Variants in TP53BP2 observed in about 807,000 individuals in gnomAD.
TP53BP2 encodes the protein tumor protein p53 binding protein 2.
Under a neutral mutation model 126.2 loss-of-function variants are expected in TP53BP2, and 62 were observed. That is an observed-to-expected ratio of 0.49 (90% CI 0.40 to 0.61). The LOEUF is 0.61. TP53BP2 is among the 20% of genes least tolerant of loss of function. The pLI is 0.00. For synonymous variants in TP53BP2, 485 were observed against 502.9 expected (o/e 0.96, Z 0.48); for missense variants, 1,215 against 1,402.8 (o/e 0.87, Z 2.14).
intron 5 of TP53BP2, among the ~76,000 whole-genome samples, chr1:223,804,791 A>G (rs1161794272): frequency 6.6e-6 from 1 of 152,196 alleles, no homozygotes; most frequent in Non-Finnish European, 1.5e-5. Flanking sequence ...GCATAACCTC[A>G]CCAAGCATGC....
Position 223,831,478 on chromosome 1 carries a change from AAAATATATATATAT to A in TP53BP2, c.28-10125_28-10112del, listed in dbSNP as rs1311779992. Among the ~76,000 whole-genome samples the A allele has an allele frequency of 6.0e-4, 26 of 43,612 alleles. 1 individual carries two copies. The highest frequency in any genetic ancestry group is 2.4e-3 in the South Asian group (3 of 1,262). The allele number at this position is 43,612 out of a possible 152,430, so 28.6% of individuals were successfully genotyped here. On this transcript the variant is annotated intron_variant, in intron 1 of 17. Coordinates refer to ENST00000343537, the MANE Select transcript of TP53BP2 (RefSeq NM_001031685.3). ...CATATGTACCATCTAAAAAAAAAAA[AAAATATATATATAT>A]ATATATATATATATATATATATATA...
chr1:223,819,554 C>A (rs904738249), intron 2 of TP53BP2, among the ~76,000 whole-genome samples: 2 of 151,382 alleles, frequency 1.3e-5, no homozygotes, highest in African/African-American at 4.9e-5. Context: ...GGCATGGGGG[C>A]GGGTGCCTGT....
At chr1:223,826,878 G>T (rs1171343878) in intron 1 of TP53BP2, among the ~76,000 whole-genome samples, 1 of 152,156 alleles carries the variant, frequency 6.6e-6, no homozygotes, top group Non-Finnish European at 1.5e-5. Flanking sequence ...AATAGCAAAG[G>T]TGGTGAAAAT....
chr1:223,797,589 T>C (rs1000291793), intron 12 of TP53BP2, among the ~76,000 whole-genome samples: 1 of 152,064 alleles, frequency 6.6e-6, no homozygotes, highest in African/African-American at 2.4e-5. Context: ...ATTTTGTATT[T>C]TGGTAGAGGT....
At chr1:223,800,567 AGAGT>A in intron 10 of TP53BP2, 129 bp downstream of exon 10, 1 of 620,118 alleles carries the variant, frequency 1.6e-6, no homozygotes, top group South Asian at 2.3e-5. Context: ...CTGGATGACA[AGAGT>A]GAGATCCTGT....
Position 223,822,055 on chromosome 1 carries a change from C to T in TP53BP2, c.28-688G>A, listed in dbSNP as rs192615413. On this transcript the variant is annotated intron_variant, in intron 1 of 17. Coordinates refer to ENST00000343537, the MANE Select transcript of TP53BP2 (RefSeq NM_001031685.3). Reference sequence around the variant, plus strand: ...TACAGGCGCATGCCATATCACACCACACCACGCCATGCCACATCTGGCTAA... The same window carrying T: ...TACAGGCGCATGCCATATCACACCATACCACGCCATGCCACATCTGGCTAA... 7.1e-4 allele frequency among the ~76,000 whole-genome samples: 108 copies of T among 152,132 alleles called. 1 individual carries two copies. The highest frequency in any genetic ancestry group is 7.0e-3 in the Admixed American group (107 of 15,292).
chr1:223,789,680 A>G (rs1662085286), intron 15 of TP53BP2, among the ~76,000 whole-genome samples: 1 of 152,216 alleles, frequency 6.6e-6, no homozygotes, highest in Non-Finnish European at 1.5e-5. Flanking sequence ...CCAAGTTAAA[A>G]CAAATTTTAA....
Position 223,800,769 on chromosome 1 carries a change from T to C in TP53BP2, c.1267A>G (p.Asn423Asp), listed in dbSNP as rs1200587581. 1 of 1,611,232 alleles carries C rather than the reference T, an allele frequency of 6.2e-7. No homozygotes were observed. Among genetic ancestry groups the C allele is most frequent in the South Asian group, 1.1e-5 (1 of 90,430 alleles). The change falls in exon 10 of 18, where the codon AAT (asparagine) becomes GAT (aspartate). Residue 423 changes from asparagine to aspartate, a missense_variant. Asn to Asp is a conservative substitution (Grantham distance 23). Transcript: ENST00000343537. ...HPVGPDWSPSNADLFPSQGSA... is the reference protein window; with the variant it reads ...HPVGPDWSPSDADLFPSQGSA... ...CCTTGGCTTGGGAAAAGATCTGCAT[T>C]TGAAGGACTCCAATCAGGGCCAACT...
chr1:223,781,087 G>T (rs534916150), intron 17 of TP53BP2, among the ~76,000 whole-genome samples, 193 bp from the exon 18 acceptor site: 1 of 152,152 alleles, frequency 6.6e-6, no homozygotes, highest in South Asian at 2.1e-4. Flanking sequence ...TCAGCAGGAC[G>T]TTCAAAGATC....
chr1:223,798,470 T>G lies in TP53BP2; in HGVS notation c.1693A>C (p.Ile565Leu). 4 of 1,614,218 alleles carry G rather than the reference T, an allele frequency of 2.5e-6. No homozygotes were observed. Among genetic ancestry groups the G allele is most frequent in the Non-Finnish European group, 3.4e-6 (4 of 1,180,036 alleles). ...QQPRVLLSPS[I>L]PSVGQDQTLS... The stretch of plus-strand genomic sequence containing the variant: ...GTCTGGTCTTGGCCAACCGAAGGTA[T>G]GCTGGGAGATAGCAGCACTCTCGGC... Residue 565 changes from isoleucine (I) to leucine (L), a missense_variant, in exon 12 of 18, where the codon ATA (isoleucine) becomes CTA (leucine). By Grantham distance (5) the Ile-to-Leu change is conservative. This residue lies in a region of TP53BP2 where 814 missense variants were observed against 853.0 expected (regional missense o/e 0.95). Transcript: ENST00000343537.
At chr1:223,797,651 C>T (rs1020614957) in intron 12 of TP53BP2, among the ~76,000 whole-genome samples, 3 of 151,964 alleles carry the variant, frequency 2.0e-5, no homozygotes, top group South Asian at 2.1e-4. Flanking sequence ...CCTCAGGTGA[C>T]CCGCCCACCT....
chr1:223,830,771 C>T (rs1419977316), intron 1 of TP53BP2, among the ~76,000 whole-genome samples: 1 of 152,120 alleles, frequency 6.6e-6, no homozygotes, highest in Non-Finnish European at 1.5e-5. Context: ...AGTTATAAAA[C>T]AGAACAATAC....
At chr1:223,781,061 G>A (rs570707280) in intron 17 of TP53BP2, among the ~76,000 whole-genome samples, 167 bp from the exon 18 acceptor site, 1 of 152,184 alleles carries the variant, frequency 6.6e-6, no homozygotes, top group African/African-American at 2.4e-5. Context: ...GTTTAGCAAC[G>A]TGGTCATAGC....
At chr1:223,825,054 C>CACACACACACACACACACACACA (rs1553262580) in intron 1 of TP53BP2, among the ~76,000 whole-genome samples, 3 of 151,104 alleles carry the variant, frequency 2.0e-5, no homozygotes, top group African/African-American at 7.3e-5. Context: ...CACACACACA[C>CACACACACACACACACACACACA]CCTAGCCCAT....
chr1:223,791,975 A>G (rs1439456885), intron 15 of TP53BP2, among the ~76,000 whole-genome samples: 2 of 152,150 alleles, frequency 1.3e-5, no homozygotes, highest in African/African-American at 4.8e-5. Flanking sequence ...ATGGTCAAAT[A>G]TATTTAGGAT....
chr1:223,826,428 A>C (rs13375296), intron 1 of TP53BP2, among the ~76,000 whole-genome samples: 2,626 of 152,294 alleles, frequency 0.017, 82 homozygotes, highest in African/African-American at 0.06. Flanking sequence ...CGTCCTGAGA[A>C]CCATCGTCTA....
At chr1:223,809,650 G>A (rs1014714897) in intron 4 of TP53BP2, among the ~76,000 whole-genome samples, 2 of 152,082 alleles carry the variant, frequency 1.3e-5, no homozygotes, top group African/African-American at 4.8e-5. Flanking sequence ...CACAGTAGGA[G>A]AAAATGGTAC....
intron 16 of TP53BP2, among the ~76,000 whole-genome samples, chr1:223,788,400 G>A (rs1302197480): frequency 6.6e-6 from 1 of 151,918 alleles, no homozygotes; most frequent in Non-Finnish European, 1.5e-5. Context: ...TCTAAGCCTT[G>A]TAAACAAAAA....
chr1:223,784,311 A>G lies in TP53BP2; in HGVS notation c.3167T>C (p.Val1056Ala). 1 of 1,613,922 alleles carries G rather than the reference A, an allele frequency of 6.2e-7. No individual in the cohort carries two copies. Among genetic ancestry groups the G allele is most frequent in the Non-Finnish European group, 8.5e-7 (1 of 1,179,974 alleles). Residue 1056 changes from valine (V) to alanine (A), a missense_variant, in exon 17 of 18, where the codon GTT (valine) becomes GCT (alanine). Around this residue, in one of 4 missense-constraint regions of TP53BP2, gnomAD observed 151 missense variants for 231.2 expected, o/e 0.65. Coordinates refer to ENST00000343537, the MANE Select transcript of TP53BP2 (RefSeq NM_001031685.3). ...ATTCATTATGCCCATCTTCTCCTGA[A>G]CTCCTAAAATCATGACAGTAAGATA... ...YTQCSQFLYG[V>A]QEKMGIMNKG... is the part of the protein sequence containing the mutation.
Sources: gnomAD v4.1 joint callset for allele counts (sites outside exome capture counted in the v4.1 genomes callset) on GRCh38, gnomAD v4.1.1 for gene constraint, gnomAD v4.1.1 regional missense constraint, MANE v1.5 for transcripts, NCBI Gene and HGNC (gene_info 2026-07-23, HGNC 2026-07-21) for gene names.